Variants in SIL1 observed in about 807,000 individuals in gnomAD.
SIL1 encodes SIL1 nucleotide exchange factor.
SIL1 carries 40 observed loss-of-function variants against 49.1 expected under a neutral mutation model. The ratio of observed to expected loss-of-function variants is 0.81; its 90% CI spans 0.63 to 1.06. SIL1 has a LOEUF of 1.06. Ranked by LOEUF, SIL1 falls within the 50% of genes least tolerant of loss-of-function variation. The pLI is 0.00. For missense variants in SIL1, 500 were observed against 572.6 expected, an observed-to-expected ratio of 0.87 and a Z score of 1.29; for synonymous variants, 253 against 250.8, an observed-to-expected ratio of 1.01 and a Z score of -0.08.
rs1766665828 is a variant in SIL1 at position 138,947,633 on chromosome 5, C to G, written c.1030-160G>C. 2.0e-5 allele frequency among the ~76,000 whole-genome samples: 3 copies of G among 152,246 alleles called. No individual in the cohort carries two copies. Among genetic ancestry groups the G allele is most frequent in the Admixed American group, 1.3e-4 (2 of 15,290 alleles). ...TTCCTCTATCCCCAAGTCTGTCTGT[C>G]TATTCATTCATTCATCCACCAACAG... On this transcript the variant is annotated intron_variant, in intron 9 of 9. Transcript: ENST00000394817. The surrounding 1 kb of genome is among the most constrained non-coding windows in gnomAD (Gnocchi z 4.1).
chr5:139,164,597 G>C (rs892743144), intron 1 of SIL1, among the ~76,000 whole-genome samples: 5 of 152,128 alleles, frequency 3.3e-5, no homozygotes, highest in Non-Finnish European at 7.3e-5. Context: ...CATTCATTGA[G>C]CACCTACCAT....
At chr5:139,143,684 T>C (rs572505169) in intron 1 of SIL1, among the ~76,000 whole-genome samples, 1 of 152,288 alleles carries the variant, frequency 6.6e-6, no homozygotes, top group African/African-American at 2.4e-5. Context: ...TGATATGATC[T>C]TATGCATAGA....
At chr5:139,112,114 C>T (rs990724939) in intron 3 of SIL1, among the ~76,000 whole-genome samples, 27 of 152,342 alleles carry the variant, frequency 1.8e-4, no homozygotes, top group South Asian at 6.2e-4. Context: ...CCCGAGGTGC[C>T]GGGATTGCAG....
intron 7 of SIL1, among the ~76,000 whole-genome samples, chr5:138,996,711 G>T (rs1038546201): frequency 2.0e-5 from 3 of 151,488 alleles, no homozygotes; most frequent in African/African-American, 7.3e-5. Context: ...GTAGAGATGG[G>T]GTTTCACCAT....
intron 3 of SIL1, among the ~76,000 whole-genome samples, chr5:139,104,929 A>G (rs1010926353): frequency 6.6e-6 from 1 of 152,148 alleles, no homozygotes; most frequent in African/African-American, 2.4e-5. Flanking sequence ...ACTGAAGGCC[A>G]ATCCTAGAGA....
chr5:138,966,896 C>T (rs540258226), intron 7 of SIL1, among the ~76,000 whole-genome samples: 10 of 152,240 alleles, frequency 6.6e-5, no homozygotes, highest in Middle Eastern at 6.8e-3. Context: ...GGGGACACGC[C>T]GCAAATTACT....
intron 3 of SIL1, among the ~76,000 whole-genome samples, chr5:139,056,882 A>C (rs1362351002): frequency 6.6e-6 from 1 of 151,784 alleles, no homozygotes; most frequent in East Asian, 2.0e-4. Flanking sequence ...GAAAGGGGGG[A>C]AAGGTGGGGA....
At chr5:139,171,787 G>T (rs1385041257) in intron 1 of SIL1, among the ~76,000 whole-genome samples, 1 of 151,476 alleles carries the variant, frequency 6.6e-6, no homozygotes, top group African/African-American at 2.4e-5. Flanking sequence ...CCTAATGGCA[G>T]ATCTACTAGA....
rs2150411409 is a variant in SIL1, at chr5:139,000,666, C to T, written c.767+20505G>A. On this transcript the variant is annotated intron_variant, in intron 7 of 9. Coordinates refer to ENST00000394817, the MANE Select transcript of SIL1 (RefSeq NM_022464.5). ...GATAATATAGGCAAATATCTCTATA[C>T]CTCAAGGAAAGATTTCTTAAAACAC... Among the ~76,000 whole-genome samples, 2 of 152,096 alleles carry T rather than the reference C, an allele frequency of 1.3e-5. 1 individual carries two copies. The highest frequency in any genetic ancestry group is 4.2e-4 in the South Asian group (2 of 4,810).
rs374914308 is a variant in SIL1 at position 138,965,496 on chromosome 5, G to A, written c.768-13612C>T. On this transcript the variant is annotated intron_variant, in intron 7 of 9. Coordinates refer to ENST00000394817, the MANE Select transcript of SIL1 (RefSeq NM_022464.5). The stretch of plus-strand genomic sequence containing the variant: ...TCCAAACCGGGACACTTTTGAGAGT[G>A]AAAGGGGCACAATTAATTACTGCAC... Among the ~76,000 whole-genome samples, 13 of 152,220 alleles carry A rather than the reference G, an allele frequency of 8.5e-5. No individual in the cohort carries two copies. The East Asian group carries it at 2.3e-3, about 27-fold the overall frequency.
chr5:139,040,484 C>CTTTTTTTTTTTTTTTTTTTTTTTTTT (rs140792595), intron 5 of SIL1, among the ~76,000 whole-genome samples: 1 of 89,410 alleles, frequency 1.1e-5, no homozygotes, highest in African/African-American at 5.1e-5. Flanking sequence ...AGTATTTTTT[C>CTTTTTTTTTTTTTTTTTTTTTTTTTT]TTTTTTCTTT....
Position 138,956,027 on chromosome 5 carries a change from G to A in SIL1, c.768-4143C>T, listed in dbSNP as rs545190087. Among the ~76,000 whole-genome samples the A allele has an allele frequency of 7.2e-5, 11 of 152,354 alleles. No individual in the cohort carries two copies. The East Asian group carries it at 2.1e-3, about 29-fold the overall frequency. On this transcript the variant is annotated intron_variant, in intron 7 of 9. Transcript: ENST00000394817. Reference sequence around the variant, plus strand: ...GTAACTGAAGAGAGCTTCTGTGATTGAGACTGCCAGGCCAGACCAGGACAC... The same window carrying A: ...GTAACTGAAGAGAGCTTCTGTGATTAAGACTGCCAGGCCAGACCAGGACAC...
chr5:139,168,953 G>C lies in SIL1; in HGVS notation c.-11+29316C>G, dbSNP rs1362694855. On this transcript the variant is annotated intron_variant, in intron 1 of 9. Coordinates refer to ENST00000394817, the MANE Select transcript of SIL1 (RefSeq NM_022464.5). ...CTCCAGCCTGGGCAATGAAGACCCT[G>C]TCTCAAAAAAAAAAAAAAAAACTGA... 4.3e-5 allele frequency among the ~76,000 whole-genome samples: 6 copies of C among 140,194 alleles called. No homozygotes were observed. In the South Asian group the frequency reaches 1.3e-3, roughly 31 times the overall value. 92.0% of individuals were successfully genotyped at this position (140,194 alleles called of 152,430 possible).
At chr5:138,985,684 C>A (rs1042364661) in intron 7 of SIL1, among the ~76,000 whole-genome samples, 8 of 152,208 alleles carry the variant, frequency 5.3e-5, no homozygotes, top group Admixed American at 1.3e-4. Context: ...AAAGTCAGTT[C>A]TCTGACTGTC....
chr5:139,103,561 G>A (rs1412024041), intron 3 of SIL1, among the ~76,000 whole-genome samples: 1 of 152,184 alleles, frequency 6.6e-6, no homozygotes, highest in Non-Finnish European at 1.5e-5. Context: ...TTTTTGCCAG[G>A]AGAGTCCAGC....
chr5:139,164,308 C>T (rs1282468306), intron 1 of SIL1, among the ~76,000 whole-genome samples: 1 of 152,010 alleles, frequency 6.6e-6, no homozygotes, highest in East Asian at 1.9e-4. Flanking sequence ...CCATCCCTTC[C>T]CTCACAAGAG....
rs977902528 is a variant in SIL1, at chr5:139,008,955, A to G, written c.767+12216T>C. On this transcript the variant is annotated intron_variant, in intron 7 of 9. Transcript: ENST00000394817. ...TATATTCTGTTGATTTGGGGTGGAG[A>G]GTTCTGTAGATGTCTATTAGGTCCG... Among the ~76,000 whole-genome samples the G allele has an allele frequency of 2.0e-3, 304 of 150,922 alleles. 1 individual carries two copies. Among genetic ancestry groups the G allele is most frequent in the Middle Eastern group, 0.01 (3 of 292 alleles).
intron 1 of SIL1, among the ~76,000 whole-genome samples, chr5:139,195,915 T>C (rs1395533207): frequency 1.2e-4 from 18 of 152,236 alleles, no homozygotes; most frequent in Non-Finnish European, 1.5e-5. Flanking sequence ...CTGTGTGCAG[T>C]GGCTCACGCC....
At chr5:139,170,349 C>T (rs1242956026) in intron 1 of SIL1, among the ~76,000 whole-genome samples, 3 of 151,188 alleles carry the variant, frequency 2.0e-5, no homozygotes, top group Non-Finnish European at 3.0e-5. Flanking sequence ...CGTGAGGAGC[C>T]CCTCTGCCTG....
Sources: gnomAD v4.1 joint callset for allele counts (sites outside exome capture counted in the v4.1 genomes callset) on GRCh38, gnomAD v4.1.1 for gene constraint, Gnocchi (gnomAD v3.1) non-coding constraint, MANE v1.5 for transcripts, NCBI Gene and HGNC (gene_info 2026-07-23, HGNC 2026-07-21) for gene names.